Variants in BLK observed in about 807,000 individuals in gnomAD.
BLK encodes the protein tyrosine-protein kinase Blk.
Under a neutral mutation model 61.8 loss-of-function variants are expected in BLK, and 64 were observed. That is an observed-to-expected ratio of 1.03 (90% CI 0.85 to 1.27). BLK has a LOEUF of 1.27. Among genes scored for constraint, BLK ranks in the 50% most tolerant of loss-of-function variants. The pLI is 0.00. For synonymous variants in BLK, 351 were observed against 272.0 expected (o/e 1.29, Z -2.86); for missense variants, 853 against 660.5 (o/e 1.29, Z -3.19).
intron 12 of BLK, 124 bp downstream of exon 12, chr8:11,563,234 G>A: frequency 7.1e-7 from 1 of 1,411,990 alleles, no homozygotes; most frequent in African/African-American, 1.4e-5. Context: ...AGCGAAGACG[G>A]AGACCCAGGC....
intron 1 of BLK, among the ~76,000 whole-genome samples, chr8:11,514,331 C>A (rs776608964): frequency 6.6e-6 from 1 of 152,182 alleles, no homozygotes; most frequent in African/African-American, 2.4e-5. Context: ...TTGTCCTTTG[C>A]GAGAGAGAGG....
At chr8:11,539,702 C>T (rs1432609739) in intron 1 of BLK, among the ~76,000 whole-genome samples, 2 of 152,106 alleles carry the variant, frequency 1.3e-5, no homozygotes, top group Non-Finnish European at 2.9e-5. Flanking sequence ...CTGTGCCAGA[C>T]ATTGGTTTAG....
intron 1 of BLK, among the ~76,000 whole-genome samples, chr8:11,495,407 A>C (rs1029273601): frequency 2.0e-5 from 3 of 152,190 alleles, no homozygotes; most frequent in Admixed American, 6.5e-5. Context: ...TTGGACTAAG[A>C]GTATGGAAAG....
intron 1 of BLK, among the ~76,000 whole-genome samples, chr8:11,516,391 C>T (rs947746022): frequency 3.3e-5 from 5 of 152,220 alleles, no homozygotes; most frequent in Non-Finnish European, 4.4e-5. Flanking sequence ...CTCACGACCG[C>T]CCTTCCCCCT....
chr8:11,505,607 C>A (rs911978320), intron 1 of BLK, among the ~76,000 whole-genome samples: 2 of 152,224 alleles, frequency 1.3e-5, no homozygotes, highest in African/African-American at 4.8e-5. Flanking sequence ...ATCCTTGGAG[C>A]TCATTTCTCT....
At position 11,523,982 on chromosome 8, in the gene BLK, A is replaced by T. The variant is rs547412806; in HGVS notation, c.-1-19242A>T. On this transcript the variant is annotated intron_variant, in intron 1 of 12. Transcript: ENST00000259089. ...GATCAAGATCTTTAAAAATGTGCATATTCTTAAACACCATAATTCCGGTTA... is the reference window on the plus strand; with the variant it reads ...GATCAAGATCTTTAAAAATGTGCATTTTCTTAAACACCATAATTCCGGTTA... 5.9e-5 allele frequency among the ~76,000 whole-genome samples: 9 copies of T among 152,302 alleles called. No individual in the cohort carries two copies. In the South Asian group the frequency reaches 1.2e-3, roughly 21 times the overall value.
intron 7 of BLK, 58 bp downstream of exon 7, chr8:11,554,947 G>C: frequency 6.3e-7 from 1 of 1,588,774 alleles, no homozygotes. Context: ...TGGATCTCTC[G>C]CTAAGATTCC....
chr8:11,561,342 T>C lies in BLK; in HGVS notation c.1070T>C (p.Ile357Thr), dbSNP rs1323603485. The C allele has an allele frequency of 1.9e-6, 3 of 1,614,060 alleles. No individual in the cohort carries two copies. The highest frequency in any genetic ancestry group is 2.2e-5 in the East Asian group (1 of 44,880). Residue 357 changes from isoleucine (I) to threonine (T), a missense_variant, in exon 11 of 13, where the codon ATC becomes ACC. Physicochemically the swap from Ile to Thr is moderately conservative, Grantham distance 89. Transcript: ENST00000259089. ...GCATACATTGAGCGCATGAATTCCA[T>C]CCACCGCGACCTGCGGGCGGCCAAC... ...GMAYIERMNS[I>T]HRDLRAANIL...
Position 11,550,175 on chromosome 8 carries a change from C to A in BLK, c.385C>A (p.Gln129Lys). 6.2e-7 allele frequency: 1 copy of A among 1,614,104 alleles called. No homozygotes were observed. Among genetic ancestry groups the A allele is most frequent in the East Asian group, 2.2e-5 (1 of 44,876 alleles). The change falls in exon 6 of 13, where the codon CAG (glutamine) becomes AAG (lysine). Residue 129 changes from glutamine (Q) to lysine (K), a missense_variant. Physicochemically the swap from Gln to Lys is moderately conservative, Grantham distance 53. Transcript: ENST00000259089. Reference sequence around the variant, plus strand: ...GTTTTCCAGGTGGTTCTTTAGATCACAGGGTCGGAAGGAGGCTGAGAGGCA... The same window carrying A: ...GTTTTCCAGGTGGTTCTTTAGATCAAAGGGTCGGAAGGAGGCTGAGAGGCA... ...LEMERWFFRS[Q>K]GRKEAERQLL...
intron 1 of BLK, among the ~76,000 whole-genome samples, chr8:11,525,872 G>C (rs1392885011): frequency 6.6e-6 from 1 of 152,146 alleles, no homozygotes; most frequent in African/African-American, 2.4e-5. Flanking sequence ...AGCCTCCTGA[G>C]TAGCTGGAAT....
chr8:11,558,386 G>A (rs1380862936), intron 10 of BLK: 1 of 374,280 alleles, frequency 2.7e-6, no homozygotes, highest in African/African-American at 2.1e-5. Context: ...AACCCGGCAG[G>A]CAAGTGTGTT....
chr8:11,561,153 C>A, intron 10 of BLK, 149 bp from the exon 11 acceptor site: 1 of 1,170,614 alleles, frequency 8.5e-7, no homozygotes, highest in Non-Finnish European at 1.2e-6. Flanking sequence ...GTTTATTCGG[C>A]TGAGGAGCAA....
chr8:11,522,779 T>G (rs1799506741), intron 1 of BLK, among the ~76,000 whole-genome samples: 1 of 151,872 alleles, frequency 6.6e-6, no homozygotes, highest in South Asian at 2.1e-4. Flanking sequence ...ACATACATTA[T>G]GAAGCCATTT....
At chr8:11,518,788 C>T (rs1304338925) in intron 1 of BLK, among the ~76,000 whole-genome samples, 1 of 152,224 alleles carries the variant, frequency 6.6e-6, no homozygotes, top group African/African-American at 2.4e-5. Context: ...CTCTCACCAT[C>T]CCTGGCTGCT....
At position 11,523,654 on chromosome 8, in the gene BLK, T is replaced by A. The variant is rs1168112390; in HGVS notation, c.-1-19570T>A. 2.0e-5 allele frequency among the ~76,000 whole-genome samples: 3 copies of A among 152,318 alleles called. No homozygotes were observed. In the South Asian group the frequency reaches 6.2e-4, roughly 32 times the overall value. On this transcript the variant is annotated intron_variant, in intron 1 of 12. Coordinates refer to ENST00000259089, the MANE Select transcript of BLK (RefSeq NM_001715.3). The stretch of plus-strand genomic sequence containing the variant: ...GTAAAAATTACACATATTTATCACA[T>A]AAAGAGGTCTTCCATATCATTGACA...
At chr8:11,550,376 C>T in intron 6 of BLK, 114 bp downstream of exon 6, 1 of 1,002,556 alleles carries the variant, frequency 1.0e-6, no homozygotes, top group Non-Finnish European at 1.5e-6. Context: ...GAACCAGCAG[C>T]TTCCGGGCTT....
At chr8:11,525,691 T>A (rs2898282) in intron 1 of BLK, among the ~76,000 whole-genome samples, 20,171 of 152,202 alleles carry the variant, frequency 0.13, 1,570 homozygotes, top group East Asian at 0.25. Flanking sequence ...TCGCCTTCCC[T>A]GCCACCACTC....
chr8:11,555,343 G>C lies in BLK; in HGVS notation c.631G>C (p.Gly211Arg). 1 of 1,614,078 alleles carries C rather than the reference G, an allele frequency of 6.2e-7. No homozygotes were observed. The highest frequency in any genetic ancestry group is 2.2e-5 in the East Asian group (1 of 44,870). ...LVQHYSKKGD[G>R]LCQRLTLPCV... ...CTTCCCTAATGCAGAGAAGGGGGATGGTCTATGCCAGAGGCTGACCCTGCC... is the reference window on the plus strand; with the variant it reads ...CTTCCCTAATGCAGAGAAGGGGGATCGTCTATGCCAGAGGCTGACCCTGCC... The change falls in exon 8 of 13, where the codon GGT becomes CGT. Residue 211 changes from glycine (G) to arginine (R), a missense_variant. By Grantham distance (125) the Gly-to-Arg change is moderately radical (BLOSUM62 -2). Coordinates refer to ENST00000259089, the MANE Select transcript of BLK (RefSeq NM_001715.3).
intron 1 of BLK, among the ~76,000 whole-genome samples, chr8:11,537,323 C>T (rs1800174084): frequency 1.3e-5 from 2 of 152,156 alleles, no homozygotes; most frequent in South Asian, 4.1e-4. Context: ...CTCATGCCGG[C>T]AGCTAGCATG....
Sources: gnomAD v4.1 joint callset for allele counts (sites outside exome capture counted in the v4.1 genomes callset) on GRCh38, gnomAD v4.1.1 for gene constraint, MANE v1.5 for transcripts, NCBI Gene and HGNC (gene_info 2026-07-23, HGNC 2026-07-21) for gene names.